The following CPS1 variants were observed in gnomAD, a reference collection of about 807,000 sequenced individuals.
CPS1 encodes carbamoyl-phosphate synthase [ammonia], mitochondrial.
CPS1 carries 109 observed loss-of-function variants against 174.6 expected under a neutral mutation model. That is an observed-to-expected ratio of 0.62 (90% confidence interval 0.53 to 0.73). The LOEUF (loss-of-function observed/expected upper bound fraction) is 0.73. CPS1 is among the 30% of genes least tolerant of loss of function. The pLI, the probability that CPS1 is intolerant of heterozygous loss-of-function variation, is 0.00. For synonymous variants in CPS1, 637 were observed against 632.0 expected (o/e 1.01, Z -0.12); for missense variants, 1,689 against 1,821.9 (o/e 0.93, Z 1.33).
rs796307701 is a variant in CPS1 at position 210,678,112 on chromosome 2, C to G, written c.*127C>G. The G allele has an allele frequency of 2.5e-6, 2 of 803,434 alleles. No homozygotes were observed. Among genetic ancestry groups the G allele is most frequent in the African/African-American group, 3.4e-5 (2 of 59,438 alleles). The allele number at this position is 803,434 out of a possible 1,614,324, so 49.8% of individuals were successfully genotyped here. On this transcript the variant is annotated 3_prime_UTR_variant, in exon 38 of 38. Transcript: ENST00000233072. ...CTTCATTTCAGTTTACTTTGTTATGCCTTAATATTCTGTGTCTTTTGCAAT... is the reference window on the plus strand; with the variant it reads ...CTTCATTTCAGTTTACTTTGTTATGGCTTAATATTCTGTGTCTTTTGCAAT...
At chr2:210,667,939 T>C (rs1377427194) in intron 33 of CPS1, among the ~76,000 whole-genome samples, 1 of 152,214 alleles carries the variant, frequency 6.6e-6, no homozygotes, top group African/African-American at 2.4e-5. Context: ...TCATTCATTA[T>C]GCTTAATTAA....
intron 21 of CPS1, among the ~76,000 whole-genome samples, chr2:210,633,975 T>C (rs13016856): frequency 0.079 from 12,041 of 152,302 alleles, 569 homozygotes; most frequent in Non-Finnish European, 0.1. Context: ...TAAGTAAAAG[T>C]GGTTATTGTT....
chr2:210,605,884 T>G (rs1405512307), intron 17 of CPS1, among the ~76,000 whole-genome samples: 1 of 151,888 alleles, frequency 6.6e-6, no homozygotes, highest in Non-Finnish European at 1.5e-5. Context: ...AGGGTTGAAC[T>G]TTGAACTCTG....
chr2:210,506,134 C>T (rs1197746497), intron 1 of CPS1, among the ~76,000 whole-genome samples: 5 of 152,162 alleles, frequency 3.3e-5, no homozygotes, highest in Non-Finnish European at 7.4e-5. Context: ...AGGCACTCCA[C>T]AGTAGGGGCA....
intron 8 of CPS1, among the ~76,000 whole-genome samples, chr2:210,590,486 A>G (rs541808684): frequency 6.6e-6 from 1 of 151,996 alleles, no homozygotes; most frequent in African/African-American, 2.4e-5. Context: ...CTGGAGTCCA[A>G]TGGCCAAATG....
At chr2:210,609,586 GAAC>G in intron 19 of CPS1, among the ~76,000 whole-genome samples, 1 of 151,914 alleles carries the variant, frequency 6.6e-6, no homozygotes, top group Non-Finnish European at 1.5e-5. Context: ...GCTGAAGTAT[GAAC>G]AAATCTCAGT....
chr2:210,551,506 T>C (rs1696730200), intron 1 of CPS1, among the ~76,000 whole-genome samples: 1 of 152,010 alleles, frequency 6.6e-6, no homozygotes, highest in African/African-American at 2.4e-5. Context: ...TATAAATACA[T>C]GCTCCTTGTA....
At chr2:210,586,519 A>G (rs1232555690) in intron 6 of CPS1, among the ~76,000 whole-genome samples, 1 of 152,006 alleles carries the variant, frequency 6.6e-6, no homozygotes, top group Non-Finnish European at 1.5e-5. Flanking sequence ...AGTGGTGTGG[A>G]GCAATTCATC....
chr2:210,589,931 G>A (rs1698230659), intron 7 of CPS1, among the ~76,000 whole-genome samples, 175 bp from the exon 8 acceptor site: 1 of 151,878 alleles, frequency 6.6e-6, no homozygotes, highest in African/African-American at 2.4e-5. Flanking sequence ...AGGATCACCG[G>A]CATGAGCCAC....
intron 7 of CPS1, among the ~76,000 whole-genome samples, chr2:210,588,468 A>G (rs1173909111): frequency 1.3e-5 from 2 of 152,034 alleles, no homozygotes; most frequent in Non-Finnish European, 2.9e-5. Context: ...ATGACCAAAA[A>G]GCTAGAGTCT....
chr2:210,570,042 A>G (rs1697425209), intron 1 of CPS1, among the ~76,000 whole-genome samples: 1 of 151,980 alleles, frequency 6.6e-6, no homozygotes, highest in African/African-American at 2.4e-5. Flanking sequence ...GTTAGAAGAA[A>G]GGATTCCAAA....
At chr2:210,549,398 G>A (rs751760611) in intron 1 of CPS1, among the ~76,000 whole-genome samples, 2 of 151,906 alleles carry the variant, frequency 1.3e-5, no homozygotes, top group African/African-American at 2.4e-5. Context: ...TAGAATGAAT[G>A]TTGTCTAATT....
At chr2:210,535,405 T>C (rs192751179) in intron 1 of CPS1, among the ~76,000 whole-genome samples, 1 of 152,172 alleles carries the variant, frequency 6.6e-6, no homozygotes, top group East Asian at 1.9e-4. Flanking sequence ...TCTATCTACC[T>C]TTTTGCATTT....
At chr2:210,554,184 C>T (rs4016619), upstream of CPS1, among the ~76,000 whole-genome samples, 67,054 of 118,938 alleles carry the variant, frequency 0.56, 21,135 homozygotes, top group African/African-American at 0.8. Flanking sequence ...TGTATATATA[C>T]ACACACACAT....
intron 28 of CPS1, among the ~76,000 whole-genome samples, chr2:210,653,363 T>C (rs1700614785): frequency 6.6e-6 from 1 of 151,972 alleles, no homozygotes; most frequent in Non-Finnish European, 1.5e-5. Context: ...ATGGAGGAAA[T>C]GAGTGTGGGA....
chr2:210,660,458 T>G, intron 31 of CPS1, 27 bp from the exon 32 acceptor site: 1 of 1,611,248 alleles, frequency 6.2e-7, no homozygotes, highest in Non-Finnish European at 8.5e-7. Context: ...AATGTCCTCT[T>G]TCTCATTTTG....
intron 36 of CPS1, among the ~76,000 whole-genome samples, chr2:210,676,163 A>G (rs1464045718): frequency 6.6e-6 from 1 of 152,236 alleles, no homozygotes; most frequent in African/African-American, 2.4e-5. Context: ...TACATCGAGT[A>G]TAAGATGACC....
At chr2:210,492,165 C>T (rs1009540368) in intron 1 of CPS1, among the ~76,000 whole-genome samples, 2 of 152,212 alleles carry the variant, frequency 1.3e-5, no homozygotes, top group Admixed American at 6.5e-5. Flanking sequence ...TAACATTCAT[C>T]ATTTGGAAAT....
intron 24 of CPS1, 130 bp from the exon 25 acceptor site, chr2:210,642,343 TTATATCTTGGA>T: frequency 1.0e-6 from 1 of 983,414 alleles, no homozygotes; most frequent in Non-Finnish European, 1.6e-6. Context: ...GGTTTGAAAT[TTATATCTTGGA>T]GTTTAAAAAA....
Sources: gnomAD v4.1 joint callset for allele counts (sites outside exome capture counted in the v4.1 genomes callset) on GRCh38, gnomAD v4.1.1 for gene constraint, MANE v1.5 for transcripts, NCBI Gene and HGNC (gene_info 2026-07-23, HGNC 2026-07-21) for gene names.